ZNF233: variants seen among roughly 807,000 people sequenced by gnomAD.
ZNF233 encodes zinc finger protein 233.
In ZNF233, 7 loss-of-function variants were observed where a neutral mutation model predicts 11.6. That is an observed-to-expected ratio of 0.60 (90% confidence interval 0.34 to 1.13). ZNF233 has a LOEUF of 1.13. Among genes scored for constraint, ZNF233 ranks in the 50% most tolerant of loss-of-function variants. The pLI, the probability that ZNF233 is intolerant of heterozygous loss-of-function variation, is 0.03. For missense variants in ZNF233, 711 were observed against 785.5 expected (o/e 0.91, Z 1.13); for synonymous variants, 226 against 268.5 (o/e 0.84, Z 1.55).
rs1005782243 is a variant in ZNF233 at position 44,266,402 on chromosome 19, G to A, written c.142+78G>A. 33 of 1,382,486 alleles carry A rather than the reference G, an allele frequency of 2.4e-5. 2 individuals carry two copies. In the South Asian group the frequency reaches 4.6e-4, roughly 19 times the overall value. The allele number at this position is 1,382,486 out of a possible 1,614,324, so 85.6% of individuals were successfully genotyped here. On this transcript the variant is annotated intron_variant, in intron 3 of 4. Transcript: ENST00000683810. ...TTTCAATTATTTAAGACTTTGGGAC[G>A]CTTAAAATGCTTCCCTGAACTTGGG...
intron 1 of ZNF233, among the ~76,000 whole-genome samples, chr19:44,263,929 A>G (rs1974998427): frequency 1.3e-5 from 2 of 152,134 alleles, no homozygotes; most frequent in African/African-American, 2.4e-5. Flanking sequence ...AGAAAGCACT[A>G]TTTTTCTCAT....
chr19:44,267,455 G>A (rs1397455001), intron 4 of ZNF233: 6 of 397,078 alleles, frequency 1.5e-5, no homozygotes, highest in South Asian at 1.3e-4. Flanking sequence ...AGGCTCAATC[G>A]ATCTTCTCAC....
chr19:44,275,134 TA>T lies in ZNF233; in HGVS notation c.*462del. The T allele has an allele frequency of 2.5e-6, 1 of 393,310 alleles. No homozygotes were observed. The highest frequency in any genetic ancestry group is 4.5e-6 in the Non-Finnish European group (1 of 223,264). The allele number at this position is 393,310 out of a possible 1,614,324, so 24.4% of individuals were successfully genotyped here. A position where few individuals can be genotyped will look rare whatever the true frequency, so the allele number is the denominator to read the frequency against. On this transcript the variant is annotated 3_prime_UTR_variant, in exon 5 of 5. Transcript: ENST00000683810. ...TGACCTTGAACAAGTACCTAAGAAA[TA>T]GTGGCTTCCCTGGAATTGTTTAACT...
At position 44,266,860 on chromosome 19, in the gene ZNF233, T is replaced by A. The variant is rs1975099218; in HGVS notation, c.143-6T>A. On this transcript the variant is annotated splice_region_variant and splice_polypyrimidine_tract_variant and intron_variant, in intron 3 of 4. Coordinates refer to ENST00000683810, the MANE Select transcript of ZNF233 (RefSeq NM_001207005.2). ...ACTTTATATATATGCCATTTCTTTTTCACAGGCTATCAACCCTTCAAACTA... is the reference window on the plus strand; with the variant it reads ...ACTTTATATATATGCCATTTCTTTTACACAGGCTATCAACCCTTCAAACTA... The A allele has an allele frequency of 6.2e-7, 1 of 1,607,470 alleles. No homozygotes were observed. The highest frequency in any genetic ancestry group is 8.5e-7 in the Non-Finnish European group (1 of 1,177,176).
chr19:44,273,286 A>G lies in ZNF233; in HGVS notation c.626A>G (p.Lys209Arg). 1 of 1,614,114 alleles carries G rather than the reference A, an allele frequency of 6.2e-7. No individual in the cohort carries two copies. Among genetic ancestry groups the G allele is most frequent in the South Asian group, 1.1e-5 (1 of 91,078 alleles). Residue 209 changes from lysine to arginine, a missense_variant, in exon 5 of 5, where the codon AAA becomes AGA. Lys to Arg is a conservative substitution (Grantham distance 26, BLOSUM62 2). Transcript: ENST00000683810. ...QQIDVKNKLC[K>R]CDHCVRQRIA... The stretch of plus-strand genomic sequence containing the variant: ...ATTGATGTAAAAAATAAGCTCTGTA[A>G]ATGTGATCATTGTGTTAGGCAAAGA...
At chr19:44,262,842 C>T (rs1974974417) in intron 1 of ZNF233, among the ~76,000 whole-genome samples, 1 of 152,116 alleles carries the variant, frequency 6.6e-6, no homozygotes, top group South Asian at 2.1e-4. Flanking sequence ...TCATCTGGCT[C>T]CAGTATCCCT....
At chr19:44,268,043 A>G (rs1975138979) in intron 4 of ZNF233, 1 of 152,090 alleles carries the variant, frequency 6.6e-6, no homozygotes, top group South Asian at 2.1e-4. Flanking sequence ...CCTGGACAAC[A>G]CAGTGAGACC....
intron 1 of ZNF233, among the ~76,000 whole-genome samples, chr19:44,263,604 A>T (rs1041528867): frequency 6.6e-6 from 1 of 152,250 alleles, no homozygotes; most frequent in Non-Finnish European, 1.5e-5. Context: ...AAGAAAATTC[A>T]TAAGTATTTA....
chr19:44,260,153 TC>T (rs1974893981), intron 1 of ZNF233: 1 of 239,152 alleles, frequency 4.2e-6, no homozygotes, highest in South Asian at 3.8e-5. Flanking sequence ...GCGCTCAAGT[TC>T]CCTCGCCTTC....
In ZNF233 at chr19:44,273,457, G is replaced by A; in HGVS notation, c.797G>A (p.Gly266Asp). The A allele has an allele frequency of 1.2e-6, 2 of 1,614,208 alleles. No individual in the cohort carries two copies. Among genetic ancestry groups the A allele is most frequent in the Non-Finnish European group, 1.7e-6 (2 of 1,180,032 alleles). Residue 266 changes from glycine (G) to aspartate (D), a missense_variant, in exon 5 of 5, where the codon GGC becomes GAC. Coordinates refer to ENST00000683810, the MANE Select transcript of ZNF233 (RefSeq NM_001207005.2). ...GEQTSDENGKGLSVGSNLELH... is the reference protein window; with the variant it reads ...GEQTSDENGKDLSVGSNLELH... The stretch of plus-strand genomic sequence containing the variant: ...CAAACCTCTGATGAAAATGGAAAAG[G>A]CTTAAGTGTTGGCTCTAATCTTGAA...
At position 44,273,859 on chromosome 19, in the gene ZNF233, GT is replaced by G. The variant is rs757573177; in HGVS notation, c.1200del (p.Cys400TrpfsTer31). The stretch of plus-strand genomic sequence containing the variant: ...AGTGCTGGAGAGAGAGCCTGTAAAT[GT>G]GATGTATATGATAAAGGCTTCAGTC... Reference protein sequence around the residue: ...VDSAGERACKCDVYDKGFSQT... With the variant: ...VDSAGERACKXDVYDKGFSQT... On this transcript the variant is annotated frameshift_variant, in exon 5 of 5. Transcript: ENST00000683810. LOFTEE classifies it low-confidence loss of function (END_TRUNC). 13 of 1,614,166 alleles carry G rather than the reference GT, an allele frequency of 8.1e-6. No homozygotes were observed. Among genetic ancestry groups the G allele is most frequent in the Non-Finnish European group, 1.1e-5 (13 of 1,180,034 alleles).
chr19:44,260,134 G>A (rs2123030178), intron 1 of ZNF233, 196 bp downstream of exon 1: 1 of 249,406 alleles, frequency 4.0e-6, no homozygotes, highest in Admixed American at 5.4e-5. Flanking sequence ...TGGTTTGAAG[G>A]TCTCCCGGGC....
intron 1 of ZNF233, 179 bp downstream of exon 1, chr19:44,260,117 G>T: frequency 3.8e-6 from 1 of 262,148 alleles, no homozygotes; most frequent in Non-Finnish European, 7.8e-6. Flanking sequence ...GCTCCTGGTC[G>T]CACGTTTGGT....
chr19:44,266,008 T>G, intron 2 of ZNF233, 190 bp from the exon 3 acceptor site: 1 of 416,396 alleles, frequency 2.4e-6, no homozygotes, highest in Non-Finnish European at 4.1e-6. Flanking sequence ...ACACTTTTGA[T>G]GTGACTGTGG....
intron 4 of ZNF233, among the ~76,000 whole-genome samples, chr19:44,269,853 C>T (rs1975192618): frequency 6.6e-6 from 1 of 152,142 alleles, no homozygotes; most frequent in Non-Finnish European, 1.5e-5. Flanking sequence ...CTACCCTCAC[C>T]TCTCTTTATT....
At chr19:44,267,246 C>A in intron 4 of ZNF233, 1 of 412,724 alleles carries the variant, frequency 2.4e-6, no homozygotes, top group Non-Finnish European at 4.3e-6. Flanking sequence ...TCCTATGTGA[C>A]CTGGTCACCC....
rs751584055 is a variant in ZNF233 at position 44,273,056 on chromosome 19, G to A, written c.396G>A (p.Lys132=). The A allele has an allele frequency of 2.5e-6, 4 of 1,614,130 alleles. No individual in the cohort carries two copies. The South Asian group carries it at 3.3e-5, about 13-fold the overall frequency. ...TAAATCTTCAAGGCAAGAGGTCCAA[G>A]TTGCTAAAACAAGGTGATTCCCCCT... ...LIINLQGKRS[K]LLKQGDSPCQ... Residue 132 remains lysine, a synonymous_variant, in exon 5 of 5, where the codon AAG becomes AAA. Coordinates refer to ENST00000683810, the MANE Select transcript of ZNF233 (RefSeq NM_001207005.2).
At position 44,269,366 on chromosome 19, in the gene ZNF233, G is replaced by A. The variant is rs142920295; in HGVS notation, c.238+2405G>A. ...GCTAGAGTGCAGTGGCGCAATCTTG[G>A]CTGGCTGCAACCTCTGCCTCTCAGG... On this transcript the variant is annotated intron_variant, in intron 4 of 4. Coordinates refer to ENST00000683810, the MANE Select transcript of ZNF233 (RefSeq NM_001207005.2). Among the ~76,000 whole-genome samples, 1,276 of 151,880 alleles carry A rather than the reference G, an allele frequency of 8.4e-3. 16 individuals are homozygous for A. The highest frequency in any genetic ancestry group is 0.03 in the African/African-American group (1,221 of 41,382).
chr19:44,261,320 T>A (rs772786134), intron 1 of ZNF233, among the ~76,000 whole-genome samples: 2 of 151,804 alleles, frequency 1.3e-5, no homozygotes, highest in African/African-American at 2.4e-5. Context: ...CCCAGCTACT[T>A]GGGAGGCTGA....
Sources: gnomAD v4.1 joint callset for allele counts (sites outside exome capture counted in the v4.1 genomes callset) on GRCh38, gnomAD v4.1.1 for gene constraint, MANE v1.5 for transcripts, NCBI Gene and HGNC (gene_info 2026-07-23, HGNC 2026-07-21) for gene names.